The following GALNT13 variants were observed in gnomAD, a reference collection of about 807,000 sequenced individuals.
GALNT13 encodes polypeptide N-acetylgalactosaminyltransferase 13.
In GALNT13, 28 loss-of-function variants were observed where a neutral mutation model predicts 64.2. The ratio of observed to expected loss-of-function variants is 0.44; its 90% CI spans 0.32 to 0.60. The LOEUF (loss-of-function observed/expected upper bound fraction) is 0.60, where lower values mean the gene tolerates loss of function less well. Ranked by LOEUF, GALNT13 falls within the 20% of genes least tolerant of loss-of-function variation. The pLI is 0.05. For synonymous variants in GALNT13, 214 were observed against 224.6 expected (o/e 0.95, Z 0.42); for missense variants, 577 against 669.8 (o/e 0.86, Z 1.53).
At chr2:153,102,056 A>G in the GALNT13 span, among the ~76,000 whole-genome samples, 1 of 152,158 alleles carries the variant, frequency 6.6e-6, no homozygotes, top group African/African-American at 2.4e-5. Context: ...TTATGGAAAT[A>G]GATATTAGAT....
chr2:153,818,994 C>G, the GALNT13 span, among the ~76,000 whole-genome samples: 62 of 152,272 alleles, frequency 4.1e-4, no homozygotes, highest in African/African-American at 1.3e-3. Flanking sequence ...GGGTCCAGCT[C>G]CTTCAGGACA....
intron 9 of GALNT13, among the ~76,000 whole-genome samples, chr2:154,305,380 T>G (rs1320881381): frequency 1.3e-5 from 2 of 151,804 alleles, no homozygotes; most frequent in East Asian, 3.9e-4. Flanking sequence ...ATAATACACA[T>G]GCACACACAA....
chr2:153,984,298 C>T (rs972281698), intron 3 of GALNT13, among the ~76,000 whole-genome samples: 26 of 151,574 alleles, frequency 1.7e-4, no homozygotes, highest in East Asian at 1.9e-4. Flanking sequence ...TTAACATCTT[C>T]AACACAGTCA....
At chr2:153,088,239 C>A in the GALNT13 span, among the ~76,000 whole-genome samples, 1 of 151,494 alleles carries the variant, frequency 6.6e-6, no homozygotes, top group Non-Finnish European at 1.5e-5. Flanking sequence ...CATTCAAGAG[C>A]AGATTATTTA....
At chr2:154,143,585 G>A (rs1420325752) in intron 4 of GALNT13, among the ~76,000 whole-genome samples, 1 of 150,952 alleles carries the variant, frequency 6.6e-6, no homozygotes, top group Non-Finnish European at 1.5e-5. Flanking sequence ...TGCCAGGCAC[G>A]GTGGCTCACA....
chr2:153,224,623 AAGAG>A, the GALNT13 span, among the ~76,000 whole-genome samples: 4 of 152,336 alleles, frequency 2.6e-5, no homozygotes, highest in South Asian at 2.1e-4. Flanking sequence ...CTAAGCAAGA[AAGAG>A]AGAGAAGACA....
At chr2:154,044,323 C>A (rs1202999183) in intron 3 of GALNT13, among the ~76,000 whole-genome samples, 5 of 152,022 alleles carry the variant, frequency 3.3e-5, no homozygotes, top group African/African-American at 1.2e-4. Flanking sequence ...AGAGTAGAAA[C>A]CTTGATTAAA....
At chr2:153,501,938 C>T in the GALNT13 span, among the ~76,000 whole-genome samples, 1 of 152,238 alleles carries the variant, frequency 6.6e-6, no homozygotes, top group Non-Finnish European at 1.5e-5. Flanking sequence ...ATACTTCTGG[C>T]TTTTGAACTC....
At chr2:153,153,111 A>T in the GALNT13 span, among the ~76,000 whole-genome samples, 88 of 152,236 alleles carry the variant, frequency 5.8e-4, no homozygotes, top group African/African-American at 2.1e-3. Flanking sequence ...CTGGTATGAG[A>T]TGATATCTCA....
the GALNT13 span, among the ~76,000 whole-genome samples, chr2:153,583,920 T>A: frequency 3.2e-4 from 48 of 152,106 alleles, no homozygotes; most frequent in African/African-American, 1.2e-3. Context: ...CTCTGGGAAC[T>A]GAGCGGAAGG....
intron 3 of GALNT13, among the ~76,000 whole-genome samples, chr2:154,093,324 A>G (rs7590292): frequency 0.2 from 30,504 of 152,010 alleles, 4,005 homozygotes; most frequent in Middle Eastern, 0.32. Context: ...AAGAAATTCA[A>G]ACATATGATT....
At chr2:154,389,438 T>A (rs1698675032) in intron 9 of GALNT13, among the ~76,000 whole-genome samples, 1 of 152,194 alleles carries the variant, frequency 6.6e-6, no homozygotes, top group African/African-American at 2.4e-5. Context: ...AGTGGCCACT[T>A]AAGCATTGTT....
the GALNT13 span, among the ~76,000 whole-genome samples, chr2:153,373,159 T>TGTGTGTGTGC: frequency 1.1e-4 from 16 of 149,652 alleles, no homozygotes; most frequent in Admixed American, 4.7e-4. Flanking sequence ...TGTGTGTGTG[T>TGTGTGTGTGC]GCACGTGTGT....
intron 1 of GALNT13, among the ~76,000 whole-genome samples, chr2:153,887,598 C>T (rs1687272024): frequency 6.6e-6 from 1 of 151,800 alleles, no homozygotes; most frequent in Admixed American, 6.6e-5. Context: ...ATATTATACA[C>T]ATTATACACA....
the GALNT13 span, among the ~76,000 whole-genome samples, chr2:153,784,058 G>T: frequency 6.6e-6 from 1 of 152,244 alleles, no homozygotes. Flanking sequence ...AACAGGCAGA[G>T]ATTTTAACAG....
chr2:153,508,396 G>A, the GALNT13 span, among the ~76,000 whole-genome samples: 14 of 152,116 alleles, frequency 9.2e-5, no homozygotes, highest in Non-Finnish European at 1.5e-5. Context: ...AGCTGCTATG[G>A]GGGATGGTGG....
At chr2:153,983,574 G>A (rs758753115) in intron 3 of GALNT13, among the ~76,000 whole-genome samples, 5 of 151,846 alleles carry the variant, frequency 3.3e-5, no homozygotes, top group Non-Finnish European at 5.9e-5. Context: ...ATGGTTTTAT[G>A]TTTGCAGTAA....
chr2:153,324,479 CT>C, the GALNT13 span, among the ~76,000 whole-genome samples: 6 of 152,118 alleles, frequency 3.9e-5, no homozygotes, highest in Non-Finnish European at 8.8e-5. Context: ...TGTGAATACC[CT>C]CTATTTCTTT....
chr2:153,380,218 T>C, the GALNT13 span, among the ~76,000 whole-genome samples: 14 of 152,148 alleles, frequency 9.2e-5, no homozygotes, highest in African/African-American at 3.4e-4. Context: ...TACAGACTAT[T>C]TTTCCTGTCA....
Sources: allele counts gnomAD v4.1 joint callset (sites outside exome capture counted in the v4.1 genomes callset), GRCh38; gene constraint gnomAD v4.1.1; transcripts MANE v1.5; gene names NCBI Gene and HGNC (gene_info 2026-07-23, HGNC 2026-07-21).